Variants in SETD2 observed in about 807,000 individuals in gnomAD.
SETD2 encodes SET domain containing 2, histone lysine methyltransferase.
Under a neutral mutation model 242.1 loss-of-function variants are expected in SETD2, and 31 were observed. The observed-to-expected ratio is 0.13, with a 90% confidence interval of 0.10 to 0.17. SETD2 has a LOEUF of 0.17. Among genes scored for constraint, SETD2 ranks in the 10% least tolerant of loss-of-function variants. The pLI is 1.00. For missense variants in SETD2, 2,481 were observed against 3,046.3 expected (o/e 0.81, Z 4.37); for synonymous variants, 1,006 against 1,066.5 (o/e 0.94, Z 1.11).
chr3:47,120,898 C>T lies in SETD2; in HGVS notation c.3738G>A (p.Val1246=), dbSNP rs2107747237. Residue 1246 remains valine, a synonymous_variant, in exon 3 of 21, where the codon GTG becomes GTA. Transcript: ENST00000409792. ...SFSSSCEIPH[V]DGLHSSEELR... is the part of the protein sequence containing the mutation. ...GCTCTTCTGATGAGTGCAAGCCATC[C>T]ACATGTGGTATCTCACAAGAGGAAG... The T allele has an allele frequency of 6.2e-7, 1 of 1,614,240 alleles. No homozygotes were observed. Among genetic ancestry groups the T allele is most frequent in the Non-Finnish European group, 8.5e-7 (1 of 1,180,042 alleles).
At chr3:47,048,627 C>A (rs1015433229) in intron 15 of SETD2, among the ~76,000 whole-genome samples, 5 of 152,080 alleles carry the variant, frequency 3.3e-5, no homozygotes, top group Non-Finnish European at 5.9e-5. Context: ...ATTTTTTCAA[C>A]TTTTTAACTC....
At chr3:47,022,303 T>C (rs546025439) in intron 18 of SETD2, among the ~76,000 whole-genome samples, 2 of 146,104 alleles carry the variant, frequency 1.4e-5, no homozygotes, top group South Asian at 2.2e-4. Context: ...GATGGGGAGA[T>C]TGTTTGAGCC....
At chr3:47,062,750 C>G (rs2040393869) in intron 13 of SETD2, among the ~76,000 whole-genome samples, 1 of 152,138 alleles carries the variant, frequency 6.6e-6, no homozygotes, top group African/African-American at 2.4e-5. Flanking sequence ...GAAAAGCAGC[C>G]TGATGTGCTA....
intron 1 of SETD2, among the ~76,000 whole-genome samples, chr3:47,139,775 G>T (rs1005394057): frequency 6.6e-6 from 1 of 152,090 alleles, no homozygotes; most frequent in African/African-American, 2.4e-5. Flanking sequence ...TATTTATGTG[G>T]TCAATAAAGC....
rs777116969 is a variant in SETD2, at chr3:47,120,507, T to C, written c.4129A>G (p.Ile1377Val). The C allele has an allele frequency of 6.2e-7, 1 of 1,614,002 alleles. No individual in the cohort carries two copies. The highest frequency in any genetic ancestry group is 1.1e-5 in the South Asian group (1 of 91,074). The change falls in exon 3 of 21, where the codon ATT (isoleucine) becomes GTT (valine). Residue 1377 changes from isoleucine to valine, a missense_variant. By Grantham distance (29) the Ile-to-Val change is conservative. Around this residue, in one of 17 missense-constraint regions of SETD2, gnomAD observed 1,300 missense variants for 1,259.2 expected, o/e 1.03. Transcript: ENST00000409792. ...TCATTCACAGCTAAAGTGTCCTTAATGGAATTGCTGCTTATTTCAGGTGCT... is the reference window on the plus strand; with the variant it reads ...TCATTCACAGCTAAAGTGTCCTTAACGGAATTGCTGCTTATTTCAGGTGCT... ...VQAPEISSNSIKDTLAVNEKK... is the reference protein window; with the variant it reads ...VQAPEISSNSVKDTLAVNEKK...
Position 47,098,075 on chromosome 3 carries a change from T to C in SETD2, c.5022A>G (p.Glu1674=). 3 of 1,613,914 alleles carry C rather than the reference T, an allele frequency of 1.9e-6. No homozygotes were observed. Among genetic ancestry groups the C allele is most frequent in the Non-Finnish European group, 2.5e-6 (3 of 1,179,862 alleles). The change falls in exon 9 of 21, where the codon GAA becomes GAG. Residue 1674 remains glutamate (E), a synonymous_variant. Transcript: ENST00000409792. ...CTGATCCGCAGAAACATTTCTGGGCTTCTTTTCTGTTCAAAGAGCATAGGA... is the reference window on the plus strand; with the variant it reads ...CTGATCCGCAGAAACATTTCTGGGCCTCTTTTCTGTTCAAAGAGCATAGGA... ...FDYQFQRYGK[E]AQKCFCGSAN... is the part of the protein sequence containing the mutation.
intron 8 of SETD2, among the ~76,000 whole-genome samples, chr3:47,100,584 C>T (rs2042171203): frequency 6.6e-6 from 1 of 152,048 alleles, no homozygotes; most frequent in African/African-American, 2.4e-5. Flanking sequence ...GTCATTAGAA[C>T]ACAGGGATTT....
rs762999681 is a variant in SETD2 at position 47,088,106 on chromosome 3, T to C, written c.5277+7A>G. The C allele has an allele frequency of 1.2e-6, 2 of 1,605,928 alleles. No homozygotes were observed. The highest frequency in any genetic ancestry group is 2.2e-5 in the East Asian group (1 of 44,802). On this transcript the variant is annotated splice_region_variant and intron_variant, in intron 10 of 20. Coordinates refer to ENST00000409792, the MANE Select transcript of SETD2 (RefSeq NM_014159.7). ...CAGAAATAAAAAACAAACATTAAAG[T>C]GTTCACCTGTATGAGTTCCAGACAG...
At chr3:47,091,694 C>T (rs1433698549) in intron 9 of SETD2, among the ~76,000 whole-genome samples, 1 of 152,112 alleles carries the variant, frequency 6.6e-6, no homozygotes, top group Non-Finnish European at 1.5e-5. Flanking sequence ...GCGCGGGAGG[C>T]GGAGGTTACA....
chr3:47,133,207 T>A (rs1009730855), intron 1 of SETD2, among the ~76,000 whole-genome samples: 1 of 152,156 alleles, frequency 6.6e-6, no homozygotes, highest in African/African-American at 2.4e-5. Flanking sequence ...TCTCTGTGTT[T>A]TAAAAAAATA....
chr3:47,101,648 A>T (rs2042219116), intron 7 of SETD2, 93 bp from the exon 8 acceptor site: 1 of 663,310 alleles, frequency 1.5e-6, no homozygotes. Context: ...ATATATAAAG[A>T]TCATCATCAT....
chr3:47,059,676 C>T (rs1300141351), intron 14 of SETD2, among the ~76,000 whole-genome samples: 4 of 152,134 alleles, frequency 2.6e-5, no homozygotes, highest in Non-Finnish European at 5.9e-5. Context: ...CCTCGGCCTC[C>T]CAAAGTGCTG....
At chr3:47,138,613 G>A (rs2043649749) in intron 1 of SETD2, among the ~76,000 whole-genome samples, 1 of 152,064 alleles carries the variant, frequency 6.6e-6, no homozygotes, top group East Asian at 1.9e-4. Flanking sequence ...TAGAGATGAG[G>A]TTTCTCCATG....
chr3:47,017,234 A>G lies in SETD2; in HGVS notation c.7554T>C (p.Asn2518=). The part of the protein sequence containing the change: ...LARKLTHGVM[N]KELKYCKNPE... ...GATTCTTACAGTACTTCAGCTCCTT[A>G]TTCATAACACCGTGAGTCAGCTGTC... The change falls in exon 21 of 21, where the codon AAT becomes AAC. Residue 2518 remains asparagine, a synonymous_variant. Coordinates refer to ENST00000409792, the MANE Select transcript of SETD2 (RefSeq NM_014159.7). The surrounding 1 kb of genome is among the most constrained non-coding windows in gnomAD (Gnocchi z 4.8). 6.2e-7 allele frequency: 1 copy of G among 1,614,054 alleles called. No individual in the cohort carries two copies. Among genetic ancestry groups the G allele is most frequent in the Non-Finnish European group, 8.5e-7 (1 of 1,180,014 alleles).
intron 15 of SETD2, among the ~76,000 whole-genome samples, chr3:47,055,748 G>A (rs114773909): frequency 4.6e-5 from 7 of 151,544 alleles, no homozygotes; most frequent in African/African-American, 9.7e-5. Context: ...GGTGGCTCAC[G>A]TCAGTAATCC....
intron 16 of SETD2, 47 bp downstream of exon 16, chr3:47,046,440 G>A (rs779448523): frequency 2.1e-6 from 3 of 1,440,532 alleles, no homozygotes; most frequent in South Asian, 1.6e-5. Context: ...ACCTTCCAAA[G>A]ACAAAGTAGA....
chr3:47,034,877 A>C (rs1296722471), intron 18 of SETD2, among the ~76,000 whole-genome samples: 1 of 152,224 alleles, frequency 6.6e-6, no homozygotes, highest in Non-Finnish European at 1.5e-5. Flanking sequence ...AAAATGTGAA[A>C]GAGTGAGATG....
intron 12 of SETD2, among the ~76,000 whole-genome samples, chr3:47,074,595 CCTT>C (rs994504664): frequency 6.6e-6 from 1 of 152,148 alleles, no homozygotes; most frequent in Non-Finnish European, 1.5e-5. Context: ...CCCCCAACCA[CCTT>C]CTTTTCTAGC....
At chr3:47,103,535 G>A (rs955384112) in intron 6 of SETD2, 112 bp from the exon 7 acceptor site, 1 of 808,224 alleles carries the variant, frequency 1.2e-6, no homozygotes, top group South Asian at 1.6e-5. Context: ...AGATTGTGCT[G>A]CGAAACCTAA....
Sources: allele counts gnomAD v4.1 joint callset (sites outside exome capture counted in the v4.1 genomes callset), GRCh38; gene constraint gnomAD v4.1.1; regional missense constraint gnomAD v4.1.1; non-coding constraint Gnocchi (gnomAD v3.1); transcripts MANE v1.5; gene names NCBI Gene and HGNC (gene_info 2026-07-23, HGNC 2026-07-21).